ELMOD3: variants seen among roughly 807,000 people sequenced by gnomAD.
ELMOD3 encodes ELMO domain containing 3.
In ELMOD3, 36 loss-of-function variants were observed where a neutral mutation model predicts 47.4. The observed-to-expected ratio is 0.76, with a 90% CI of 0.58 to 1.00. ELMOD3 has a LOEUF of 1.00. Ranked by LOEUF, ELMOD3 falls within the 50% of genes least tolerant of loss-of-function variation. The pLI is 0.00. For missense variants in ELMOD3, 404 were observed against 463.8 expected (o/e 0.87, Z 1.18); for synonymous variants, 149 against 183.5 (o/e 0.81, Z 1.52).
chr2:85,356,177 C>T (rs1476635742), intron 3 of ELMOD3: 1 of 152,242 alleles, frequency 6.6e-6, no homozygotes, highest in African/African-American at 2.4e-5. Context: ...CTTAGAATTG[C>T]CCAAACTGGC....
chr2:85,390,467 G>C lies in ELMOD3; in HGVS notation c.943+202G>C, dbSNP rs531258943. ...TCTGCCCTGACTGTCGCCCTTTTCT[G>C]GTCTTATACTTATGACAAGCATATA... On this transcript the variant is annotated intron_variant, in intron 13 of 13. Coordinates refer to ENST00000409013, the MANE Select transcript of ELMOD3 (RefSeq NM_001135022.2). 3.7e-6 allele frequency: 6 copies of C among 1,613,804 alleles called. No homozygotes were observed. The Admixed American group carries it at 1.0e-4, about 27-fold the overall frequency.
At position 85,376,098 on chromosome 2, in the gene ELMOD3, A is replaced by G. The variant is rs115019392; in HGVS notation, c.608-1246A>G. Among the ~76,000 whole-genome samples the G allele has an allele frequency of 4.0e-3, 610 of 152,272 alleles. 4 individuals are homozygous for G. The highest frequency in any genetic ancestry group is 7.4e-3 in the Non-Finnish European group (504 of 68,030). Reference sequence around the variant, plus strand: ...TAACATAGTCATAGCTTCTGGGGACATGGTCATCGTGGGGCGGGGGGATTA... The same window carrying G: ...TAACATAGTCATAGCTTCTGGGGACGTGGTCATCGTGGGGCGGGGGGATTA... On this transcript the variant is annotated intron_variant, in intron 10 of 13. Transcript: ENST00000409013. The surrounding 1 kb of genome is among the most constrained non-coding windows in gnomAD (Gnocchi z 4.2).
chr2:85,388,607 C>T (rs1426066504), intron 11 of ELMOD3, among the ~76,000 whole-genome samples: 5 of 152,108 alleles, frequency 3.3e-5, no homozygotes, highest in African/African-American at 4.8e-5. Flanking sequence ...CTCTGTGGAG[C>T]CAGAAGACCT....
rs559641304 is a variant in ELMOD3, at chr2:85,383,147, G to C, written c.738+5673G>C. On this transcript the variant is annotated intron_variant, in intron 11 of 13. Transcript: ENST00000409013. ...TTTTGTTTTTTTGTTTGTTTGTTTT[G>C]AGATGGAGTTTCACTCTGTCACCCA... is the stretch of plus-strand genomic sequence containing the variant. Among the ~76,000 whole-genome samples the C allele has an allele frequency of 6.7e-5, 10 of 148,800 alleles. No homozygotes were observed. The South Asian group carries it at 1.7e-3, about 26-fold the overall frequency.
chr2:85,389,541 A>C (rs1451150900), intron 11 of ELMOD3: 1 of 596,410 alleles, frequency 1.7e-6, no homozygotes, highest in Admixed American at 2.9e-5. Flanking sequence ...CCTGGTTCCC[A>C]TGCCTTAGGA....
chr2:85,360,408 C>T (rs373252224), intron 4 of ELMOD3, among the ~76,000 whole-genome samples: 21 of 148,972 alleles, frequency 1.4e-4, no homozygotes, highest in Non-Finnish European at 2.8e-4. Context: ...GGCTGGAGTG[C>T]GGTGGCGTAA....
intron 6 of ELMOD3, among the ~76,000 whole-genome samples, chr2:85,364,837 T>A (rs1273235104): frequency 1.6e-5 from 2 of 123,230 alleles, no homozygotes; most frequent in Admixed American, 8.3e-5. Context: ...TTTTTTTTTT[T>A]TTTTTTTTTT....
At chr2:85,368,299 G>C (rs897853289) in intron 6 of ELMOD3, 1 of 199,880 alleles carries the variant, frequency 5.0e-6, no homozygotes, top group South Asian at 8.6e-5. Flanking sequence ...GTGGTAGTGC[G>C]TGCCTGTAGT....
chr2:85,368,621 G>T, intron 6 of ELMOD3, 65 bp from the exon 7 acceptor site: 1 of 1,531,530 alleles, frequency 6.5e-7, no homozygotes, highest in African/African-American at 1.4e-5. Context: ...ACAAGGCTGG[G>T]GTCTGCAGTA....
intron 10 of ELMOD3, among the ~76,000 whole-genome samples, chr2:85,373,648 G>C (rs1684960921): frequency 6.6e-6 from 1 of 151,964 alleles, no homozygotes; most frequent in Non-Finnish European, 1.5e-5. Flanking sequence ...AGACCAGCCT[G>C]GCCAAAATAG....
Position 85,382,098 on chromosome 2 carries a change from C to CA in ELMOD3, c.738+4627dup, listed in dbSNP as rs1369335453. ...TGCCACTGCACTCCAGCCTGGGTGA[C>CA]AAAGCAAGACTCCTTCTCAAAAAAA... On this transcript the variant is annotated intron_variant, in intron 11 of 13. Coordinates refer to ENST00000409013, the MANE Select transcript of ELMOD3 (RefSeq NM_001135022.2). Among the ~76,000 whole-genome samples, 27 of 66,512 alleles carry CA rather than the reference C, an allele frequency of 4.1e-4. No homozygotes were observed. In the East Asian group the frequency reaches 0.013, roughly 32 times the overall value. 43.6% of individuals were successfully genotyped at this position (66,512 alleles called of 152,430 possible).
At chr2:85,371,369 A>G (rs1444185640) in intron 9 of ELMOD3, 71 bp from the exon 10 acceptor site, 30 of 1,605,564 alleles carry the variant, frequency 1.9e-5, no homozygotes, top group Non-Finnish European at 2.4e-5. Flanking sequence ...CAGATCTCAC[A>G]TTCTCTGAGA....
intron 11 of ELMOD3, among the ~76,000 whole-genome samples, chr2:85,386,296 A>G (rs914591982): frequency 6.6e-6 from 1 of 151,796 alleles, no homozygotes; most frequent in African/African-American, 2.4e-5. Context: ...GCTCTAAACA[A>G]TGCTTTTTAG....
rs1291170671 is a variant in ELMOD3 at position 85,376,330 on chromosome 2, G to A, written c.608-1014G>A. Among the ~76,000 whole-genome samples, 1 of 152,166 alleles carries A rather than the reference G, an allele frequency of 6.6e-6. No homozygotes were observed. Among genetic ancestry groups the A allele is most frequent in the African/African-American group, 2.4e-5 (1 of 41,420 alleles). On this transcript the variant is annotated intron_variant, in intron 10 of 13. Coordinates refer to ENST00000409013, the MANE Select transcript of ELMOD3 (RefSeq NM_001135022.2). This position sits in a 1 kb window ranked among gnomAD's most constrained non-coding sequence, Gnocchi z 4.2. Reference sequence around the variant, plus strand: ...TTACTTAAATCTTCTACTTTAGCAGGCCTCCCCTGTTACTGTGCCAGCAGG... The same window carrying A: ...TTACTTAAATCTTCTACTTTAGCAGACCTCCCCTGTTACTGTGCCAGCAGG...
In ELMOD3 at chr2:85,368,745, C is replaced by G. The variant is rs750668721; in HGVS notation, c.259C>G (p.Pro87Ala). The G allele has an allele frequency of 1.2e-6, 2 of 1,614,126 alleles. No homozygotes were observed. The highest frequency in any genetic ancestry group is 1.7e-4 in the Middle Eastern group (1 of 6,042). Reference sequence around the variant, plus strand: ...ATGGGAAGCTGTGGACACCATCCAGCCAGAGACAGGTAACTGTACGAATGC... The same window carrying G: ...ATGGGAAGCTGTGGACACCATCCAGGCAGAGACAGGTAACTGTACGAATGC... ...EEWEAVDTIQ[P>A]ETGSQASSEQ... Residue 87 changes from proline to alanine, a missense_variant, in exon 7 of 14, where the codon CCA becomes GCA. Physicochemically the swap from Pro to Ala is conservative, Grantham distance 27. Coordinates refer to ENST00000409013, the MANE Select transcript of ELMOD3 (RefSeq NM_001135022.2).
chr2:85,382,682 A>G (rs947228290), intron 11 of ELMOD3, among the ~76,000 whole-genome samples: 4 of 151,870 alleles, frequency 2.6e-5, no homozygotes, highest in African/African-American at 9.7e-5. Flanking sequence ...TGTCCATCTA[A>G]TTTTTGTATT....
chr2:85,379,455 T>C (rs1378533999), intron 11 of ELMOD3, among the ~76,000 whole-genome samples: 1 of 152,232 alleles, frequency 6.6e-6, no homozygotes, highest in Non-Finnish European at 1.5e-5. Flanking sequence ...TCTGCCCGCC[T>C]CAGCCTCCCA....
At chr2:85,386,802 C>A (rs911072192) in intron 11 of ELMOD3, among the ~76,000 whole-genome samples, 13 of 152,120 alleles carry the variant, frequency 8.5e-5, no homozygotes, top group Admixed American at 3.9e-4. Flanking sequence ...TCGAGACCAG[C>A]CTGATCAACA....
chr2:85,360,019 G>C (rs770245272), intron 4 of ELMOD3, among the ~76,000 whole-genome samples: 14 of 151,990 alleles, frequency 9.2e-5, no homozygotes, highest in Non-Finnish European at 1.5e-5. Flanking sequence ...AGCCATGATC[G>C]TGCCACTATG....
Sources: gnomAD v4.1 joint callset for allele counts (sites outside exome capture counted in the v4.1 genomes callset) on GRCh38, gnomAD v4.1.1 for gene constraint, Gnocchi (gnomAD v3.1) non-coding constraint, MANE v1.5 for transcripts, NCBI Gene and HGNC (gene_info 2026-07-23, HGNC 2026-07-21) for gene names.